FHIT: variants seen among roughly 807,000 people sequenced by gnomAD.
The protein encoded by FHIT is fragile histidine triad diadenosine triphosphatase, also known as bis(5'-adenosyl)-triphosphatase.
In FHIT, 19 loss-of-function variants were observed where a neutral mutation model predicts 17.9. The ratio of observed to expected loss-of-function variants is 1.06; its 90% CI spans 0.74 to 1.56. FHIT has a LOEUF of 1.56. Among genes scored for constraint, FHIT ranks in the 40% most tolerant of loss-of-function variants. The pLI is 0.00. For missense variants in FHIT, 248 were observed against 189.2 expected (o/e 1.31, Z -1.82); for synonymous variants, 81 against 69.7 (o/e 1.16, Z -0.81).
intron 5 of FHIT, among the ~76,000 whole-genome samples, chr3:60,158,012 T>A (rs1275958635): frequency 1.3e-5 from 2 of 152,208 alleles, no homozygotes; most frequent in African/African-American, 4.8e-5. Context: ...CTTAGAAGCA[T>A]GAGCAAAGTT....
intron 5 of FHIT, among the ~76,000 whole-genome samples, chr3:60,169,533 T>C (rs1267960476): frequency 1.3e-5 from 2 of 152,198 alleles, no homozygotes; most frequent in African/African-American, 4.8e-5. Flanking sequence ...CAAAGTGAAA[T>C]AATCTTTGCA....
chr3:60,412,098 G>C (rs565169955), intron 5 of FHIT, among the ~76,000 whole-genome samples: 2 of 152,158 alleles, frequency 1.3e-5, no homozygotes, highest in African/African-American at 2.4e-5. Flanking sequence ...AAGTAAACAG[G>C]ACATGGTGGC....
intron 4 of FHIT, among the ~76,000 whole-genome samples, chr3:60,742,576 G>A (rs1553714144): frequency 1.3e-5 from 2 of 152,120 alleles, no homozygotes; most frequent in East Asian, 3.9e-4. Context: ...TTCACTACCT[G>A]TAATAAAGTA....
At chr3:61,150,796 C>A (rs1488474111) in intron 2 of FHIT, among the ~76,000 whole-genome samples, 2 of 149,370 alleles carry the variant, frequency 1.3e-5, no homozygotes, top group African/African-American at 4.9e-5. Flanking sequence ...CTTTTGGTAC[C>A]CAGTCTACCA....
At chr3:60,472,287 C>T (rs990561392) in intron 5 of FHIT, among the ~76,000 whole-genome samples, 1 of 152,018 alleles carries the variant, frequency 6.6e-6, no homozygotes, top group Non-Finnish European at 1.5e-5. Context: ...GAACTGTATG[C>T]CCACTTTTTT....
At chr3:60,732,093 C>T (rs2042041496) in intron 4 of FHIT, 2 of 641,940 alleles carry the variant, frequency 3.1e-6, no homozygotes, top group Non-Finnish European at 5.5e-6. Context: ...GGGTAGTCTC[C>T]TGAGCTACAG....
intron 3 of FHIT, among the ~76,000 whole-genome samples, chr3:61,002,097 G>C (rs2031124535): frequency 2.0e-5 from 3 of 152,128 alleles, no homozygotes; most frequent in South Asian, 4.1e-4. Context: ...ATTAAATCAA[G>C]GTAATTAACA....
intron 4 of FHIT, among the ~76,000 whole-genome samples, chr3:60,779,821 G>A (rs1314871965): frequency 6.6e-6 from 1 of 152,166 alleles, no homozygotes; most frequent in Non-Finnish European, 1.5e-5. Flanking sequence ...GATTCCTGCT[G>A]ATTAAGCCAA....
chr3:60,569,749 A>ATTTTT (rs1553654729), intron 4 of FHIT, among the ~76,000 whole-genome samples: 1 of 62,788 alleles, frequency 1.6e-5, no homozygotes, highest in Admixed American at 1.9e-4. Flanking sequence ...ATATATATAT[A>ATTTTT]TATATATTTT....
intron 3 of FHIT, among the ~76,000 whole-genome samples, chr3:60,943,789 A>G (rs1291036563): frequency 3.3e-5 from 5 of 152,194 alleles, no homozygotes; most frequent in African/African-American, 1.2e-4. Flanking sequence ...GGCAAATAAT[A>G]TTCTCTTAAA....
rs1480369062 is a variant in FHIT at position 60,674,250 on chromosome 3, T to A, written c.-17-137271A>T. Among the ~76,000 whole-genome samples, 11 of 152,252 alleles carry A rather than the reference T, an allele frequency of 7.2e-5. No individual in the cohort carries two copies. In the East Asian group the frequency reaches 1.5e-3, roughly 21 times the overall value. Reference sequence around the variant, plus strand: ...TGCAGTTCTATAATATAGATTTGTTTCTTTTTTATAGTTTACATTTGTTTC... The same window carrying A: ...TGCAGTTCTATAATATAGATTTGTTACTTTTTTATAGTTTACATTTGTTTC... On this transcript the variant is annotated intron_variant, in intron 4 of 9. Coordinates refer to ENST00000492590, the MANE Select transcript of FHIT (RefSeq NM_002012.4).
At chr3:60,847,303 C>G (rs1160755641) in intron 3 of FHIT, among the ~76,000 whole-genome samples, 1 of 152,120 alleles carries the variant, frequency 6.6e-6, no homozygotes, top group African/African-American at 2.4e-5. Flanking sequence ...GATGGCATTT[C>G]CAGTTAGGGT....
chr3:59,818,734 C>T (rs984665425), intron 8 of FHIT, among the ~76,000 whole-genome samples: 1 of 152,182 alleles, frequency 6.6e-6, no homozygotes, highest in Non-Finnish European at 1.5e-5. Flanking sequence ...CTCTCCTGGA[C>T]ACAGGAAGTT....
chr3:60,959,164 TG>T (rs1559865596), intron 3 of FHIT, among the ~76,000 whole-genome samples: 1 of 152,198 alleles, frequency 6.6e-6, no homozygotes, highest in Non-Finnish European at 1.5e-5. Context: ...TAACTGCTCT[TG>T]GGCATAGTGG....
intron 4 of FHIT, among the ~76,000 whole-genome samples, chr3:60,740,531 T>C (rs1311142533): frequency 6.6e-6 from 1 of 152,276 alleles, no homozygotes; most frequent in Non-Finnish European, 1.5e-5. Flanking sequence ...ATGATCTTTT[T>C]TATTGTAGTA....
intron 5 of FHIT, among the ~76,000 whole-genome samples, chr3:60,327,425 G>C (rs1709751102): frequency 6.6e-6 from 1 of 152,148 alleles, no homozygotes; most frequent in African/African-American, 2.4e-5. Context: ...ACACCGTAGA[G>C]CAAAAACAGC....
At chr3:60,629,763 G>C (rs1309267276) in intron 4 of FHIT, among the ~76,000 whole-genome samples, 3 of 152,078 alleles carry the variant, frequency 2.0e-5, no homozygotes, top group African/African-American at 7.2e-5. Context: ...AATGTATCTA[G>C]GTAGACTGCC....
chr3:60,891,206 T>C (rs1705502018), intron 3 of FHIT, among the ~76,000 whole-genome samples: 2 of 152,278 alleles, frequency 1.3e-5, no homozygotes, highest in South Asian at 4.1e-4. Context: ...CTCTCTATGT[T>C]GTTCTACCTT....
At chr3:60,414,485 CA>C (rs1285556345) in intron 5 of FHIT, among the ~76,000 whole-genome samples, 1 of 152,182 alleles carries the variant, frequency 6.6e-6, no homozygotes, top group Non-Finnish European at 1.5e-5. Flanking sequence ...ATGATCAAGA[CA>C]ACTATGACCA....
Sources: allele counts gnomAD v4.1 joint callset (sites outside exome capture counted in the v4.1 genomes callset), GRCh38; gene constraint gnomAD v4.1.1; transcripts MANE v1.5; gene names NCBI Gene and HGNC (gene_info 2026-07-23, HGNC 2026-07-21).